The following PTGS1 variants were observed in gnomAD, a reference collection of about 807,000 sequenced individuals.
The protein encoded by PTGS1 is prostaglandin G/H synthase 1.
Under a neutral mutation model 63.0 loss-of-function variants are expected in PTGS1, and 40 were observed. The ratio of observed to expected loss-of-function variants is 0.63; its 90% CI spans 0.49 to 0.83. PTGS1 has a LOEUF of 0.83. PTGS1 is among the 40% of genes least tolerant of loss of function. The pLI is 0.00. For synonymous variants in PTGS1, 298 were observed against 301.9 expected, an observed-to-expected ratio of 0.99 and a Z score of 0.13; for missense variants, 709 against 786.5, an observed-to-expected ratio of 0.90 and a Z score of 1.18.
intron 2 of PTGS1, among the ~76,000 whole-genome samples, chr9:122,376,344 TTGTGTGTGTG>T (rs57350981): frequency 2.0e-4 from 26 of 127,068 alleles, no homozygotes; most frequent in South Asian, 3.1e-4. Context: ...TGGTCCTTGC[TTGTGTGTGTG>T]TGTGTGTGTG....
At position 122,386,558 on chromosome 9, in the gene PTGS1, C is replaced by T; in HGVS notation, c.1122C>T (p.Asn374=). 6.2e-7 allele frequency: 1 copy of T among 1,614,224 alleles called. No homozygotes were observed. Among genetic ancestry groups the T allele is most frequent in the East Asian group, 2.2e-5 (1 of 44,876 alleles). Residue 374 remains asparagine, a synonymous_variant, in exon 9 of 11, where the codon AAC becomes AAT. Coordinates refer to ENST00000362012, the MANE Select transcript of PTGS1 (RefSeq NM_000962.4). ...TCGGTGTCCAGTTCCAATACCGCAA[C>T]CGCATTGCCATGGAGTTCAACCATC... is the stretch of plus-strand genomic sequence containing the variant. ...LLFGVQFQYR[N]RIAMEFNHLY...
At chr9:122,383,368 T>C (rs992315795) in intron 7 of PTGS1, 141 bp from the exon 8 acceptor site, 4 of 1,166,970 alleles carry the variant, frequency 3.4e-6, no homozygotes, top group African/African-American at 3.2e-5. Context: ...AGGGGACTGA[T>C]TTTAAGAGAC....
At chr9:122,379,146 T>A (rs1837366162) in intron 5 of PTGS1, among the ~76,000 whole-genome samples, 1 of 152,110 alleles carries the variant, frequency 6.6e-6, no homozygotes, top group Non-Finnish European at 1.5e-5. Flanking sequence ...CCAGGGTGCC[T>A]CTTTGCTTGA....
chr9:122,394,080 T>A lies in PTGS1; in HGVS notation c.*1536T>A, dbSNP rs1349118415. ...AAGATATATACAAGGTGAGTGTGAC[T>A]TCCCTTCTAACCCCCTCTGCTCTGT... On this transcript the variant is annotated 3_prime_UTR_variant, in exon 11 of 11. Coordinates refer to ENST00000362012, the MANE Select transcript of PTGS1 (RefSeq NM_000962.4). 2 of 152,284 alleles carry A rather than the reference T, an allele frequency of 1.3e-5. No individual in the cohort carries two copies. Among genetic ancestry groups the A allele is most frequent in the Non-Finnish European group, 2.9e-5 (2 of 68,108 alleles). The allele number at this position is 152,284 out of a possible 1,614,324, so 9.4% of individuals were successfully genotyped here. A position where few individuals can be genotyped will look rare whatever the true frequency, so the allele number is the denominator to read the frequency against.
At chr9:122,372,110 T>A (rs1291464416) in intron 2 of PTGS1, among the ~76,000 whole-genome samples, 1 of 152,146 alleles carries the variant, frequency 6.6e-6, no homozygotes, top group African/African-American at 2.4e-5. Context: ...TGTGCGTGTG[T>A]GTGAGCATGT....
Position 122,378,880 on chromosome 9 carries a change from C to G in PTGS1, c.458C>G (p.Ser153Cys). 2 of 1,614,262 alleles carry G rather than the reference C, an allele frequency of 1.2e-6. No homozygotes were observed. Among genetic ancestry groups the G allele is most frequent in the South Asian group, 2.2e-5 (2 of 91,088 alleles). ...AGCTATTACACTCGTATTCTGCCCT[C>G]TGTGCCTAAAGATTGCCCCACACCC... Reference protein sequence around the residue: ...NVSYYTRILPSVPKDCPTPMG... With the variant: ...NVSYYTRILPCVPKDCPTPMG... The change falls in exon 5 of 11, where the codon TCT (serine) becomes TGT (cysteine). Residue 153 changes from serine to cysteine, a missense_variant. Transcript: ENST00000362012.
chr9:122,386,155 A>C (rs560362947), intron 8 of PTGS1, among the ~76,000 whole-genome samples: 5 of 151,490 alleles, frequency 3.3e-5, no homozygotes, highest in Admixed American at 1.3e-4. Context: ...AGAAAGAAAG[A>C]AAGCTGGGTG....
At chr9:122,389,574 G>A (rs577505569) in intron 9 of PTGS1, among the ~76,000 whole-genome samples, 3 of 152,110 alleles carry the variant, frequency 2.0e-5, no homozygotes, top group Non-Finnish European at 4.4e-5. Context: ...CTTCACAGGG[G>A]GTTACACTAC....
intron 8 of PTGS1, among the ~76,000 whole-genome samples, chr9:122,385,857 G>A (rs1405968538): frequency 6.6e-6 from 1 of 151,996 alleles, no homozygotes; most frequent in African/African-American, 2.4e-5. Context: ...TGCATGTCCT[G>A]CTTAGCTGGG....
intron 3 of PTGS1, 120 bp downstream of exon 3, chr9:122,378,135 G>T (rs1193762949): frequency 1.4e-5 from 14 of 1,015,874 alleles, no homozygotes; most frequent in Non-Finnish European, 2.1e-5. Context: ...CTCCTTCCTT[G>T]CCTGGTTCTG....
chr9:122,389,269 G>GTC (rs1354837324), intron 9 of PTGS1, among the ~76,000 whole-genome samples: 1 of 149,244 alleles, frequency 6.7e-6, no homozygotes, highest in African/African-American at 2.5e-5. Flanking sequence ...ACCTGCCTCA[G>GTC]TCTCCCAAAT....
rs200460694 is a variant in PTGS1, at chr9:122,371,081, C to T, written c.-4C>T. 3.9e-5 allele frequency: 62 copies of T among 1,599,014 alleles called. No individual in the cohort carries two copies. In the South Asian group the frequency reaches 4.0e-4, roughly 10 times the overall value. ...TCTGCGTCCCGCACCCCAGCAGCCG[C>T]GCCATGAGCCGTGAGTGCGACCCCG... is the stretch of plus-strand genomic sequence containing the variant. On this transcript the variant is annotated 5_prime_UTR_variant, in exon 1 of 11. Coordinates refer to ENST00000362012, the MANE Select transcript of PTGS1 (RefSeq NM_000962.4).
chr9:122,373,112 G>T (rs1318108266), intron 2 of PTGS1, among the ~76,000 whole-genome samples: 1 of 152,224 alleles, frequency 6.6e-6, no homozygotes, highest in Non-Finnish European at 1.5e-5. Flanking sequence ...CGAAGGAGGT[G>T]GCGGGTGGGG....
Position 122,392,582 on chromosome 9 carries a change from T to A in PTGS1, c.*38T>A, listed in dbSNP as rs1424975382. On this transcript the variant is annotated 3_prime_UTR_variant, in exon 11 of 11. Transcript: ENST00000362012. The stretch of plus-strand genomic sequence containing the variant: ...CAGCATTCTGGAGGGGAGAGCTTTG[T>A]GCTTGTCATTCCAGAGTGCTGAGGC... The A allele has an allele frequency of 6.4e-7, 1 of 1,572,402 alleles. No homozygotes were observed. Among genetic ancestry groups the A allele is most frequent in the Admixed American group, 1.7e-5 (1 of 57,974 alleles).
intron 5 of PTGS1, 115 bp downstream of exon 5, chr9:122,379,033 A>C: frequency 7.2e-7 from 1 of 1,388,718 alleles, no homozygotes; most frequent in South Asian, 1.4e-5. Context: ...GGCTAGACCA[A>C]GGCAAGACAT....
At position 122,371,063 on chromosome 9, in the gene PTGS1, C is replaced by T; in HGVS notation, c.-22C>T. The stretch of plus-strand genomic sequence containing the variant: ...ACGCACAGGAGCCTGCACTCTGCGT[C>T]CCGCACCCCAGCAGCCGCGCCATGA... On this transcript the variant is annotated 5_prime_UTR_variant, in exon 1 of 11. Transcript: ENST00000362012. 6.3e-7 allele frequency: 1 copy of T among 1,591,070 alleles called. No individual in the cohort carries two copies. The highest frequency in any genetic ancestry group is 8.5e-7 in the Non-Finnish European group (1 of 1,175,704).
chr9:122,376,795 C>T (rs982764088), intron 2 of PTGS1, among the ~76,000 whole-genome samples: 2 of 152,206 alleles, frequency 1.3e-5, no homozygotes, highest in African/African-American at 4.8e-5. Context: ...TCACCTGTCC[C>T]TGAACCTCAG....
At chr9:122,391,421 A>ATG (rs1564147672) in intron 10 of PTGS1, among the ~76,000 whole-genome samples, 1 of 29,488 alleles carries the variant, frequency 3.4e-5, no homozygotes, top group East Asian at 1.8e-3. Flanking sequence ...ATATATATAT[A>ATG]TATATACATA....
chr9:122,385,468 T>C (rs1837817762), intron 8 of PTGS1, among the ~76,000 whole-genome samples: 2 of 151,382 alleles, frequency 1.3e-5, no homozygotes, highest in Admixed American at 1.3e-4. Flanking sequence ...TCTTTCAATA[T>C]CTAGTTGCCC....
Sources: gnomAD v4.1 joint callset for allele counts (sites outside exome capture counted in the v4.1 genomes callset) on GRCh38, gnomAD v4.1.1 for gene constraint, MANE v1.5 for transcripts, NCBI Gene and HGNC (gene_info 2026-07-23, HGNC 2026-07-21) for gene names.